Variants in NYX observed in about 807,000 individuals in gnomAD.
NYX encodes the protein nyctalopin.
For missense variants in NYX, 481 were observed against 485.4 expected (o/e 0.99, Z 0.09); for synonymous variants, 258 against 245.7 (o/e 1.05, Z -0.47).
intron 2 of NYX, among the ~76,000 whole-genome samples, chrX:41,456,436 CAAG>C (rs2064299286): frequency 1.8e-5 from 2 of 111,575 alleles, no homozygotes; most frequent in African/African-American, 6.5e-5. Context: ...TCATTGAAGG[CAAG>C]AAGGAGTTTA....
At chrX:41,471,393 T>C (rs1371543203) in intron 2 of NYX, among the ~76,000 whole-genome samples, 1 of 112,338 alleles carries the variant, frequency 8.9e-6, no homozygotes, top group Non-Finnish European at 1.9e-5. Flanking sequence ...ATTACAGGCG[T>C]GAGCCACCGC....
chrX:41,459,084 A>G (rs962168848), intron 2 of NYX, among the ~76,000 whole-genome samples: 1 of 108,498 alleles, frequency 9.2e-6, no homozygotes, highest in African/African-American at 3.4e-5. Context: ...CTCCGTCTCA[A>G]ACAACAACAA....
rs767770362 is a variant in NYX at position 41,473,786 on chromosome X, C to G, written c.318C>G (p.Arg106=). The G allele has an allele frequency of 2.6e-6, 3 of 1,136,386 alleles. No individual in the cohort carries two copies. Among genetic ancestry groups the G allele is most frequent in the African/African-American group, 3.8e-5 (2 of 53,282 alleles). 93.7% of individuals were successfully genotyped at this position (1,136,386 alleles called of 1,213,427 possible). A position where few individuals can be genotyped will look rare whatever the true frequency, so the allele number is the denominator to read the frequency against. The stretch of plus-strand genomic sequence containing the variant: ...CCGGCGCCTTCAAGGGCCTGCCGCG[C>G]CTGGCTGAGCTGCGCCTGGCGCACA... ...ITPGAFKGLP[R]LAELRLAHNG... The change falls in exon 3 of 3, where the codon CGC becomes CGG. Residue 106 remains arginine (R), a synonymous_variant. Transcript: ENST00000378220.
intron 2 of NYX, among the ~76,000 whole-genome samples, chrX:41,460,329 G>A (rs775243737): frequency 1.8e-5 from 2 of 109,995 alleles, no homozygotes; most frequent in African/African-American, 6.6e-5. Flanking sequence ...TACCACATCC[G>A]GCTAATTTTT....
intron 2 of NYX, among the ~76,000 whole-genome samples, chrX:41,458,061 G>C (rs2064305221): frequency 9.0e-6 from 1 of 111,601 alleles, no homozygotes; most frequent in Middle Eastern, 4.6e-3. Context: ...GGAAGTGTGA[G>C]AGAGCAAGAT....
At position 41,455,412 on chromosome X, in the gene NYX, A is replaced by AT. The variant is rs199582885; in HGVS notation, c.22+7500dup. The stretch of plus-strand genomic sequence containing the variant: ...ATGAGTCACTGCGCCCAGCCTGAGG[A>AT]TTTTTTTTTTTTTTAAAGCAGTATG... On this transcript the variant is annotated intron_variant, in intron 2 of 2. Transcript: ENST00000378220. Among the ~76,000 whole-genome samples the AT allele has an allele frequency of 2.5e-3, 250 of 101,771 alleles. 1 individual carries two copies. The highest frequency in any genetic ancestry group is 5.4e-3 in the Middle Eastern group (1 of 186). The allele number at this position is 101,771 out of a possible 115,157, so 88.4% of individuals were successfully genotyped here.
rs58930096 is a variant in NYX at position 41,475,313 on chromosome X, C to T, written c.*414C>T. The stretch of plus-strand genomic sequence containing the variant: ...TTTCTCCTGGCGGGGTAACCCATTA[C>T]ACCGAAGTCCTTTGTTTTCTACCAC... On this transcript the variant is annotated 3_prime_UTR_variant, in exon 3 of 3. Coordinates refer to ENST00000378220, the MANE Select transcript of NYX (RefSeq NM_001378477.3). 0.016 allele frequency: 2,635 copies of T among 164,112 alleles called. 77 individuals are homozygous for T. Among genetic ancestry groups the T allele is most frequent in the African/African-American group, 0.075 (2,430 of 32,425 alleles). The allele number at this position is 164,112 out of a possible 1,213,427, so 13.5% of individuals were successfully genotyped here.
rs1443989878 is a variant in NYX at position 41,474,637 on chromosome X, C to T, written c.1169C>T (p.Thr390Ile). 8.3e-7 allele frequency: 1 copy of T among 1,199,728 alleles called. No individual in the cohort carries two copies. Among genetic ancestry groups the T allele is most frequent in the East Asian group, 3.0e-5 (1 of 33,405 alleles). Residue 390 changes from threonine to isoleucine, a missense_variant, in exon 3 of 3, where the codon ACC (threonine) becomes ATC (isoleucine). Thr to Ile is a moderately conservative substitution (Grantham distance 89). Transcript: ENST00000378220. ...GTGGACCCCGAGGAGCTGAACCTCA[C>T]CACGTCCAGTCCAGGCCCGTCCCCA... ...LCVDPEELNL[T>I]TSSPGPSPEP...
intron 2 of NYX, among the ~76,000 whole-genome samples, chrX:41,471,672 AC>A (rs2064360596): frequency 9.1e-6 from 1 of 109,483 alleles, no homozygotes; most frequent in African/African-American, 3.3e-5. Context: ...GGGAGTTTAG[AC>A]CCCCAGTAAA....
chrX:41,460,488 TTCAAG>T (rs1470922139), intron 2 of NYX, among the ~76,000 whole-genome samples: 1 of 109,045 alleles, frequency 9.2e-6, no homozygotes, highest in African/African-American at 3.4e-5. Flanking sequence ...TTGTTAAGCA[TTCAAG>T]TCTTTTATCC....
rs971474369 is a variant in NYX, at chrX:41,449,322, C to A, written c.22+1396C>A. 2.2e-4 allele frequency among the ~76,000 whole-genome samples: 25 copies of A among 111,692 alleles called. No individual in the cohort carries two copies. The Admixed American group carries it at 2.3e-3, about 10-fold the overall frequency. ...TTCAAAAACCGGAACTTGCTCTGTT[C>A]AGTCAACCAACAGGCATACACTGTG... On this transcript the variant is annotated intron_variant, in intron 2 of 2. Coordinates refer to ENST00000378220, the MANE Select transcript of NYX (RefSeq NM_001378477.3).
chrX:41,474,564 C>T lies in NYX; in HGVS notation c.1096C>T (p.Leu366=), dbSNP rs751312165. 17 of 1,195,893 alleles carry T rather than the reference C, an allele frequency of 1.4e-5. No homozygotes were observed. Among genetic ancestry groups the T allele is most frequent in the Non-Finnish European group, 1.8e-5 (16 of 889,017 alleles). The change falls in exon 3 of 3, where the codon CTG becomes TTG. Residue 366 remains leucine (L), a synonymous_variant. Transcript: ENST00000378220. ...PCASPGSVAG[L]DLSQVTFGRS... The stretch of plus-strand genomic sequence containing the variant: ...CGCCTCCCCGGGCTCCGTGGCCGGC[C>T]TGGACCTCAGCCAGGTGACCTTCGG...
rs774830136 is a variant in NYX at position 41,474,519 on chromosome X, C to G, written c.1051C>G (p.Arg351Gly). ...GAGGGACTGGATGGAGGGCTCCGGA[C>G]GTGTCACCGACGTGCCGTGCGCCTC... ...WLRDWMEGSGRVTDVPCASPG... is the reference protein window; with the variant it reads ...WLRDWMEGSGGVTDVPCASPG... The change falls in exon 3 of 3, where the codon CGT becomes GGT. Residue 351 changes from arginine (R) to glycine (G), a missense_variant. Coordinates refer to ENST00000378220, the MANE Select transcript of NYX (RefSeq NM_001378477.3). 8.3e-7 allele frequency: 1 copy of G among 1,206,510 alleles called. No homozygotes were observed. The highest frequency in any genetic ancestry group is 3.0e-5 in the East Asian group (1 of 33,686).
At chrX:41,468,441 G>A (rs1353902484) in intron 2 of NYX, among the ~76,000 whole-genome samples, 3 of 110,584 alleles carry the variant, frequency 2.7e-5, no homozygotes, top group African/African-American at 3.3e-5. Context: ...ACAGGCACGC[G>A]CCACCACACC....
intron 2 of NYX, chrX:41,472,793 T>A (rs2064367233): frequency 1.5e-5 from 3 of 198,053 alleles, no homozygotes. Context: ...ACGGGCAAAT[T>A]TATTTATTTA....
At chrX:41,460,169 CTT>C (rs565873921) in intron 2 of NYX, among the ~76,000 whole-genome samples, 18 of 93,233 alleles carry the variant, frequency 1.9e-4, no homozygotes, top group Non-Finnish European at 2.1e-4. Flanking sequence ...TATTCTTTTT[CTT>C]TTTTTTTTTT....
At chrX:41,457,722 G>C (rs188276805) in intron 2 of NYX, among the ~76,000 whole-genome samples, 405 of 111,510 alleles carry the variant, frequency 3.6e-3, no homozygotes, top group African/African-American at 0.012. Flanking sequence ...GCTCTGTTTA[G>C]GTCAAAGTGT....
chrX:41,452,163 G>A (rs1481638975), intron 2 of NYX, among the ~76,000 whole-genome samples: 2 of 110,149 alleles, frequency 1.8e-5, no homozygotes, highest in Non-Finnish European at 3.8e-5. Context: ...TGTAGAGATG[G>A]GGTTTCGCCA....
chrX:41,473,508 C>T lies in NYX; in HGVS notation c.40C>T (p.Pro14Ser). The T allele has an allele frequency of 1.0e-6, 1 of 986,815 alleles. No homozygotes were observed. The highest frequency in any genetic ancestry group is 1.3e-6 in the Non-Finnish European group (1 of 784,118). The allele number at this position is 986,815 out of a possible 1,213,427, so 81.3% of individuals were successfully genotyped here. A position where few individuals can be genotyped will look rare whatever the true frequency, so the allele number is the denominator to read the frequency against. ...CCCCGCAGCGGTGGTCCTCGGCCTG[C>T]CCAGCGCCTGGGCCGTGGGGGCCTG... ...LLLHAVVLGL[P>S]SAWAVGACAR... Residue 14 changes from proline to serine, a missense_variant, in exon 3 of 3, where the codon CCC (proline) becomes TCC (serine). By Grantham distance (74) the Pro-to-Ser change is moderately conservative (BLOSUM62 -1). Transcript: ENST00000378220.
Sources: allele counts gnomAD v4.1 joint callset (sites outside exome capture counted in the v4.1 genomes callset), GRCh38; gene constraint gnomAD v4.1.1; transcripts MANE v1.5; gene names NCBI Gene and HGNC (gene_info 2026-07-23, HGNC 2026-07-21).